Variants in CTDP1 observed in about 807,000 individuals in gnomAD.
CTDP1 encodes the protein RNA polymerase II subunit A C-terminal domain phosphatase.
In CTDP1, 47 loss-of-function variants were observed where a neutral mutation model predicts 91.8. The observed-to-expected ratio is 0.51, with a 90% CI of 0.41 to 0.65. The LOEUF (loss-of-function observed/expected upper bound fraction) is 0.65. CTDP1 is among the 30% of genes least tolerant of loss of function. The pLI, the probability that CTDP1 is intolerant of heterozygous loss-of-function variation, is 0.00. For missense variants in CTDP1, 1,272 were observed against 1,373.7 expected (o/e 0.93, Z 1.17); for synonymous variants, 656 against 598.5 (o/e 1.10, Z -1.40).
At chr18:79,693,594 CATT>C (rs2085668078) in intron 1 of CTDP1, among the ~76,000 whole-genome samples, 1 of 152,144 alleles carries the variant, frequency 6.6e-6, no homozygotes, top group Admixed American at 6.5e-5. Flanking sequence ...ACGCGGAATC[CATT>C]TGTGTTGCAC....
At chr18:79,690,385 T>A (rs769446658) in intron 1 of CTDP1, among the ~76,000 whole-genome samples, 1 of 152,216 alleles carries the variant, frequency 6.6e-6, no homozygotes, top group Non-Finnish European at 1.5e-5. Flanking sequence ...GGATTTTCTT[T>A]AGGACAAACC....
intron 4 of CTDP1, 46 bp downstream of exon 4, chr18:79,698,034 T>C: frequency 6.2e-7 from 1 of 1,611,386 alleles, no homozygotes; most frequent in Non-Finnish European, 8.5e-7. Flanking sequence ...GAACCGCGGG[T>C]CCTAGAATTT....
chr18:79,696,419 T>C (rs1236523553), intron 3 of CTDP1, among the ~76,000 whole-genome samples: 3 of 151,596 alleles, frequency 2.0e-5, no homozygotes, highest in East Asian at 1.9e-4. Flanking sequence ...CAGCTGCTCA[T>C]GGAGCTCAGG....
At chr18:79,719,336 T>G (rs1378654373) in intron 10 of CTDP1, among the ~76,000 whole-genome samples, 4 of 151,410 alleles carry the variant, frequency 2.6e-5, no homozygotes, top group African/African-American at 9.7e-5. Flanking sequence ...GCAGGGTGGC[T>G]GCGGGCAGCT....
chr18:79,685,192 G>C (rs1278110425), intron 1 of CTDP1: 1 of 152,292 alleles, frequency 6.6e-6, no homozygotes, highest in Non-Finnish European at 1.5e-5. Flanking sequence ...GAGATTCCTA[G>C]TGTGGGGGGA....
At chr18:79,689,418 C>T (rs921947594) in intron 1 of CTDP1, among the ~76,000 whole-genome samples, 3 of 152,194 alleles carry the variant, frequency 2.0e-5, no homozygotes, top group East Asian at 3.8e-4. Flanking sequence ...CGCTTCATTT[C>T]TAGGATGATA....
chr18:79,695,253 A>C lies in CTDP1; in HGVS notation c.343A>C (p.Ser115Arg). Residue 115 changes from serine (S) to arginine (R), a missense_variant, in exon 2 of 13, where the codon AGC becomes CGC. This residue lies in a region of CTDP1 where 177 missense variants were observed against 283.0 expected (regional missense o/e 0.63). Coordinates refer to ENST00000613122, the MANE Select transcript of CTDP1 (RefSeq NM_004715.5). The stretch of plus-strand genomic sequence containing the variant: ...GGTTCTGGTGAGGTTGGAAGGATGC[A>C]GCCACCCGGTTGTCATGAAAGGCCT... ...GAVLVRLEGC[S>R]HPVVMKGLCA... is the part of the protein sequence containing the mutation. 1.2e-6 allele frequency: 2 copies of C among 1,614,136 alleles called. No homozygotes were observed. Among genetic ancestry groups the C allele is most frequent in the Non-Finnish European group, 1.7e-6 (2 of 1,180,034 alleles).
At chr18:79,721,824 A>AT (rs1335068575) in intron 10 of CTDP1, among the ~76,000 whole-genome samples, 5 of 142,404 alleles carry the variant, frequency 3.5e-5, no homozygotes, top group African/African-American at 1.1e-4. Context: ...CAGTATTTTT[A>AT]TTTATTTTTT....
chr18:79,730,530 A>T (rs2086544493), intron 11 of CTDP1, among the ~76,000 whole-genome samples: 1 of 152,082 alleles, frequency 6.6e-6, no homozygotes, highest in Non-Finnish European at 1.5e-5. Context: ...CCACCCCAAA[A>T]CCTAATCCTT....
intron 1 of CTDP1, among the ~76,000 whole-genome samples, chr18:79,685,128 C>T (rs1409683006): frequency 6.6e-6 from 1 of 152,152 alleles, no homozygotes; most frequent in Non-Finnish European, 1.5e-5. Context: ...CTTGAGAGAG[C>T]CTCTGTCCTT....
intron 11 of CTDP1, among the ~76,000 whole-genome samples, chr18:79,734,252 G>A (rs1030442358): frequency 2.6e-5 from 4 of 152,212 alleles, no homozygotes; most frequent in South Asian, 2.1e-4. Context: ...TCATCTGGAC[G>A]TGACCCCATC....
chr18:79,738,153 G>A lies in CTDP1; in HGVS notation c.2747+1632G>A, dbSNP rs568983843. Among the ~76,000 whole-genome samples, 32 of 152,166 alleles carry A rather than the reference G, an allele frequency of 2.1e-4. 1 individual carries two copies. In the South Asian group the frequency reaches 5.2e-3, roughly 25 times the overall value. On this transcript the variant is annotated intron_variant, in intron 12 of 12. Coordinates refer to ENST00000613122, the MANE Select transcript of CTDP1 (RefSeq NM_004715.5). ...GAGAAAGCGTCTGTCCTGTCCATACGTCCGCAGTCAGCGGGCTGCGTAACC... is the reference window on the plus strand; with the variant it reads ...GAGAAAGCGTCTGTCCTGTCCATACATCCGCAGTCAGCGGGCTGCGTAACC...
upstream of CTDP1, among the ~76,000 whole-genome samples, chr18:79,677,097 A>G (rs1019756156): frequency 3.9e-5 from 6 of 152,210 alleles, no homozygotes; most frequent in African/African-American, 1.4e-4. Context: ...TTTTCAAACC[A>G]AAGTTCACAT....
rs538339670 is a variant in CTDP1, at chr18:79,733,499, C to T, written c.2581-2856C>T. ...GGAAAAGCCTGCTGGGCCCCAGAGC[C>T]GGCGTCCGCTGCCTCTGCAGCTGCG... is the stretch of plus-strand genomic sequence containing the variant. On this transcript the variant is annotated intron_variant, in intron 11 of 12. Transcript: ENST00000613122. 7.9e-5 allele frequency among the ~76,000 whole-genome samples: 12 copies of T among 152,182 alleles called. No homozygotes were observed. The East Asian group carries it at 1.5e-3, about 20-fold the overall frequency.
intron 11 of CTDP1, among the ~76,000 whole-genome samples, chr18:79,734,346 G>C (rs114380453): frequency 6.6e-6 from 1 of 152,256 alleles, no homozygotes; most frequent in African/African-American, 2.4e-5. Context: ...CCCAGGAAAG[G>C]TAGGTGTCGT....
chr18:79,686,852 G>T (rs549553960), intron 1 of CTDP1, among the ~76,000 whole-genome samples: 267 of 114,966 alleles, frequency 2.3e-3, no homozygotes, highest in South Asian at 3.7e-3. Context: ...AGTTGGCTTC[G>T]TCAGTTCACT....
intron 4 of CTDP1, among the ~76,000 whole-genome samples, chr18:79,701,264 A>T (rs2085849883): frequency 6.6e-6 from 1 of 152,136 alleles, no homozygotes; most frequent in African/African-American, 2.4e-5. Context: ...TAATTCCAGC[A>T]CTTTGGGAGG....
At chr18:79,728,806 G>C in intron 10 of CTDP1, 101 bp from the exon 11 acceptor site, 1 of 1,348,230 alleles carries the variant, frequency 7.4e-7, no homozygotes, top group Non-Finnish European at 1.1e-6. Context: ...GTTGGGGTGT[G>C]TGAGTGTTTA....
intron 11 of CTDP1, 33 bp from the exon 12 acceptor site, chr18:79,736,322 G>A: frequency 6.5e-7 from 1 of 1,548,280 alleles, no homozygotes; most frequent in Non-Finnish European, 8.7e-7. Context: ...GCCCGGGAAG[G>A]AGGTCTGTCG....
Sources: gnomAD v4.1 joint callset for allele counts (sites outside exome capture counted in the v4.1 genomes callset) on GRCh38, gnomAD v4.1.1 for gene constraint, gnomAD v4.1.1 regional missense constraint, MANE v1.5 for transcripts, NCBI Gene and HGNC (gene_info 2026-07-23, HGNC 2026-07-21) for gene names.